Variants in DIP2C observed in about 807,000 individuals in gnomAD.
DIP2C encodes DIP2 acetate--CoA ligase C (putative), also known as disco-interacting protein 2 homolog C.
A neutral mutation model predicts 192.4 loss-of-function variants in DIP2C; 33 were observed. The observed-to-expected ratio is 0.17, with a 90% CI of 0.13 to 0.23. DIP2C has a LOEUF of 0.23. Among genes scored for constraint, DIP2C ranks in the 10% least tolerant of loss-of-function variants. DIP2C has a pLI of 1.00. For synonymous variants in DIP2C, 979 were observed against 864.1 expected (o/e 1.13, Z -2.33); for missense variants, 1,537 against 2,110.1 (o/e 0.73, Z 5.32).
chr10:591,843 C>G (rs1017130460), intron 1 of DIP2C, among the ~76,000 whole-genome samples: 15 of 152,200 alleles, frequency 9.9e-5, no homozygotes, highest in Admixed American at 4.6e-4. Context: ...TCTCCTCAGA[C>G]GTCCCACAGT....
intron 1 of DIP2C, among the ~76,000 whole-genome samples, chr10:631,574 A>G (rs1347171115): frequency 6.6e-6 from 1 of 152,140 alleles, no homozygotes; most frequent in Non-Finnish European, 1.5e-5. Flanking sequence ...TTTTTTTTAC[A>G]AGACCATTCT....
chr10:507,192 G>T (rs1426182624), intron 1 of DIP2C, among the ~76,000 whole-genome samples: 1 of 151,076 alleles, frequency 6.6e-6, no homozygotes, highest in African/African-American at 2.4e-5. Context: ...TGCCCAATCA[G>T]AAGCTTTTGA....
chr10:445,656 A>G (rs546484367), intron 3 of DIP2C, among the ~76,000 whole-genome samples: 1 of 113,526 alleles, frequency 8.8e-6, no homozygotes, highest in South Asian at 2.3e-4. Context: ...ATCTGTATAC[A>G]TCTGTTGTGA....
chr10:627,827 T>C (rs534841228), intron 1 of DIP2C, among the ~76,000 whole-genome samples: 2 of 152,354 alleles, frequency 1.3e-5, no homozygotes, highest in East Asian at 3.9e-4. Flanking sequence ...GGCACCACCG[T>C]GGTACACGTG....
At chr10:593,077 G>GC (rs1031985406) in intron 1 of DIP2C, among the ~76,000 whole-genome samples, 11 of 152,218 alleles carry the variant, frequency 7.2e-5, no homozygotes, top group African/African-American at 1.9e-4. Flanking sequence ...GCCAGTAGTG[G>GC]CCGGGAACGG....
At chr10:379,967 A>C (rs112262823) in intron 17 of DIP2C, among the ~76,000 whole-genome samples, 55 of 128,786 alleles carry the variant, frequency 4.3e-4, no homozygotes, top group African/African-American at 8.0e-4. Flanking sequence ...GCAGAAGAGG[A>C]TGTCCCTAGA....
At chr10:325,525 C>T (rs1957236495) in intron 31 of DIP2C, among the ~76,000 whole-genome samples, 1 of 152,148 alleles carries the variant, frequency 6.6e-6, no homozygotes, top group East Asian at 1.9e-4. Context: ...TCACTGATTT[C>T]CTCTTGCCCG....
At chr10:414,739 G>GTGTGTGTGTATATATATATATATATATA in intron 7 of DIP2C, among the ~76,000 whole-genome samples, 4 of 90,508 alleles carry the variant, frequency 4.4e-5, no homozygotes, top group African/African-American at 9.0e-5. Context: ...GTGTGTGTGT[G>GTGTGTGTGTATATATATATATATATATA]TACATATATA....
At chr10:409,670 C>T (rs1451732421) in intron 8 of DIP2C, among the ~76,000 whole-genome samples, 1 of 152,204 alleles carries the variant, frequency 6.6e-6, no homozygotes, top group Admixed American at 6.5e-5. Context: ...CATCCACAGC[C>T]GGTCTCACGT....
chr10:304,955 G>A (rs144040710), intron 32 of DIP2C, among the ~76,000 whole-genome samples: 4 of 152,144 alleles, frequency 2.6e-5, no homozygotes, highest in East Asian at 3.9e-4. Flanking sequence ...CACACGACAC[G>A]TGCAAAGCCA....
At chr10:306,523 G>C (rs999934026) in intron 32 of DIP2C, among the ~76,000 whole-genome samples, 7 of 152,216 alleles carry the variant, frequency 4.6e-5, no homozygotes, top group African/African-American at 1.7e-4. Context: ...GCAAGTGAGT[G>C]TGCCATTAAA....
intron 13 of DIP2C, among the ~76,000 whole-genome samples, chr10:388,609 A>ACC (rs1228452911): frequency 6.6e-6 from 1 of 152,130 alleles, no homozygotes; most frequent in Non-Finnish European, 1.5e-5. Context: ...AAGCGTGACC[A>ACC]CCCTGGACCT....
intron 10 of DIP2C, among the ~76,000 whole-genome samples, chr10:391,253 A>G (rs114252299): frequency 0.016 from 2,368 of 152,320 alleles, 54 homozygotes; most frequent in African/African-American, 0.054. Flanking sequence ...AAACACTTCT[A>G]CTAACATGCT....
chr10:369,371 G>T, intron 18 of DIP2C, 123 bp downstream of exon 18: 1 of 1,223,918 alleles, frequency 8.2e-7, no homozygotes, highest in Non-Finnish European at 1.1e-6. Context: ...GACTGGGAGT[G>T]AGGCTCTCAG....
In DIP2C at chr10:418,032, A is replaced by G. The variant is rs868056736; in HGVS notation, c.739+1033T>C. Among the ~76,000 whole-genome samples the G allele has an allele frequency of 2.1e-4, 10 of 47,242 alleles. 2 individuals are homozygous for G. Among genetic ancestry groups the G allele is most frequent in the East Asian group, 1.7e-3 (2 of 1,150 alleles). The allele number at this position is 47,242 out of a possible 152,430, so 31.0% of individuals were successfully genotyped here. On this transcript the variant is annotated intron_variant, in intron 6 of 36. Transcript: ENST00000280886. ...AGGGCGCGGACAGGCCTCCCTGTCC[A>G]CCTGTTCCTGTCAGGGCTTCGATAG...
At chr10:301,126 C>A (rs899154343) in intron 32 of DIP2C, among the ~76,000 whole-genome samples, 7 of 152,120 alleles carry the variant, frequency 4.6e-5, no homozygotes, top group Non-Finnish European at 1.0e-4. Flanking sequence ...TTGCCGGGTG[C>A]CACCAGGGAA....
At chr10:576,123 C>A (rs1485491419) in intron 1 of DIP2C, among the ~76,000 whole-genome samples, 1 of 152,198 alleles carries the variant, frequency 6.6e-6, no homozygotes, top group African/African-American at 2.4e-5. Flanking sequence ...GACCAAGAAT[C>A]TAACTACGCT....
At chr10:523,245 T>TGTG (rs1846827480) in intron 1 of DIP2C, among the ~76,000 whole-genome samples, 1 of 132,384 alleles carries the variant, frequency 7.6e-6, no homozygotes, top group Non-Finnish European at 1.6e-5. Flanking sequence ...AGGGACTGTG[T>TGTG]ATGACCCACA....
At chr10:392,876 A>G (rs1963606504) in intron 10 of DIP2C, among the ~76,000 whole-genome samples, 1 of 99,036 alleles carries the variant, frequency 1.0e-5, no homozygotes, top group Non-Finnish European at 2.0e-5. Context: ...GACACTCAAC[A>G]CTCACACACA....
Sources: allele counts gnomAD v4.1 joint callset (sites outside exome capture counted in the v4.1 genomes callset), GRCh38; gene constraint gnomAD v4.1.1; transcripts MANE v1.5; gene names NCBI Gene and HGNC (gene_info 2026-07-23, HGNC 2026-07-21).